Variants in ACSS3 observed in about 807,000 individuals in gnomAD.
ACSS3 encodes acyl-CoA synthetase short chain family member 3.
Under a neutral mutation model 84.2 loss-of-function variants are expected in ACSS3, and 64 were observed. The ratio of observed to expected loss-of-function variants is 0.76; its 90% CI spans 0.62 to 0.94. ACSS3 has a LOEUF of 0.94. Ranked by LOEUF, ACSS3 falls within the 40% of genes least tolerant of loss-of-function variation. The pLI is 0.00. For synonymous variants in ACSS3, 317 were observed against 310.1 expected (o/e 1.02, Z -0.23); for missense variants, 815 against 867.6 (o/e 0.94, Z 0.76).
Position 81,224,577 on chromosome 12 carries a change from T to C in ACSS3, c.1514+4501T>C, listed in dbSNP as rs1166604239. ...ATATATATATACACACACACACATGTGTGTGTGTGTGTGTGTGTGTGTGTA... is the reference window on the plus strand; with the variant it reads ...ATATATATATACACACACACACATGCGTGTGTGTGTGTGTGTGTGTGTGTA... On this transcript the variant is annotated intron_variant, in intron 11 of 15. Transcript: ENST00000548058. 1.6e-3 allele frequency among the ~76,000 whole-genome samples: 152 copies of C among 94,062 alleles called. 1 individual carries two copies. The highest frequency in any genetic ancestry group is 3.5e-3 in the South Asian group (11 of 3,120). The allele number at this position is 94,062 out of a possible 152,430, so 61.7% of individuals were successfully genotyped here. A position where few individuals can be genotyped will look rare whatever the true frequency, so the allele number is the denominator to read the frequency against.
intron 7 of ACSS3, among the ~76,000 whole-genome samples, chr12:81,152,994 A>C (rs1565693876): frequency 6.6e-6 from 1 of 152,210 alleles, no homozygotes; most frequent in Non-Finnish European, 1.5e-5. Flanking sequence ...CAATGATGTA[A>C]TCTTACTTTA....
chr12:81,216,129 A>AT (rs549066760), intron 9 of ACSS3, among the ~76,000 whole-genome samples: 1 of 151,196 alleles, frequency 6.6e-6, no homozygotes, highest in Non-Finnish European at 1.5e-5. Context: ...TATATTATAT[A>AT]TTTTTTTAAT....
intron 13 of ACSS3, among the ~76,000 whole-genome samples, chr12:81,244,376 T>C (rs1264229642): frequency 5.3e-5 from 8 of 152,104 alleles, no homozygotes. Context: ...GCTTGATGTT[T>C]TCTGCAATTC....
rs116271401 is a variant in ACSS3, at chr12:81,139,184, G to A, written c.699G>A (p.Glu233=). ...SFGIEPGRRV[E]YVPLVEEALK... ...GCATTGAACCTGGAAGGAGGGTAGA[G>A]TACGTACCACTTGTAGAAGAAGCGC... The change falls in exon 4 of 16, where the codon GAG becomes GAA. Residue 233 remains glutamate, a synonymous_variant. Transcript: ENST00000548058. 8.2e-4 allele frequency: 1,317 copies of A among 1,613,832 alleles called. 8 individuals are homozygous for A. In the African/African-American group the frequency reaches 0.016, roughly 19 times the overall value.
chr12:81,162,879 C>A (rs1887222685), intron 7 of ACSS3, among the ~76,000 whole-genome samples: 1 of 152,118 alleles, frequency 6.6e-6, no homozygotes, highest in South Asian at 2.1e-4. Flanking sequence ...TGTGACATCA[C>A]CTGGACAGGG....
At chr12:81,087,440 GAGA>G (rs1254025417) in intron 1 of ACSS3, among the ~76,000 whole-genome samples, 2 of 151,760 alleles carry the variant, frequency 1.3e-5, no homozygotes, top group Non-Finnish European at 2.9e-5. Context: ...GAAAGAGGAA[GAGA>G]AGAAGAAGAA....
At chr12:81,168,243 A>G (rs1451425622) in intron 7 of ACSS3, among the ~76,000 whole-genome samples, 1 of 152,196 alleles carries the variant, frequency 6.6e-6, no homozygotes, top group Non-Finnish European at 1.5e-5. Context: ...CTACATGACC[A>G]TCTGCAGTCT....
At chr12:81,090,448 C>G (rs1476690479) in intron 1 of ACSS3, among the ~76,000 whole-genome samples, 20 of 151,968 alleles carry the variant, frequency 1.3e-4, no homozygotes, top group Non-Finnish European at 4.4e-5. Flanking sequence ...GTGATCTTCG[C>G]AGCAGAATGC....
At position 81,078,217 on chromosome 12, in the gene ACSS3, GC is replaced by G; in HGVS notation, c.100del (p.Leu34SerfsTer4). On this transcript the variant is annotated frameshift_variant, in exon 1 of 16. Transcript: ENST00000548058. LOFTEE classifies it high-confidence loss of function. Reference sequence around the variant, plus strand: ...CTCTCCGGCCCGGGGAGCCGGTGCGGCCCTCAGGGCTTTAGTGGTCCCGGGC... The same window carrying G: ...CTCTCCGGCCCGGGGAGCCGGTGCGGCCTCAGGGCTTTAGTGGTCCCGGGC... ...GSSPARGAGA[A>X]LRALVVPGPR... The G allele has an allele frequency of 6.3e-7, 1 of 1,586,136 alleles. No homozygotes were observed. The highest frequency in any genetic ancestry group is 8.6e-7 in the Non-Finnish European group (1 of 1,169,234).
intron 7 of ACSS3, among the ~76,000 whole-genome samples, chr12:81,156,090 A>T (rs1374457753): frequency 1.3e-5 from 2 of 152,142 alleles, no homozygotes; most frequent in East Asian, 1.9e-4. Flanking sequence ...ACTAAAAATT[A>T]AAAAGAGTTA....
At chr12:81,205,942 T>A (rs2032328096) in intron 9 of ACSS3, among the ~76,000 whole-genome samples, 1 of 152,100 alleles carries the variant, frequency 6.6e-6, no homozygotes, top group Non-Finnish European at 1.5e-5. Flanking sequence ...GCAAAATACA[T>A]TCCTAGGCAT....
At chr12:81,132,660 A>T (rs530667337) in intron 2 of ACSS3, among the ~76,000 whole-genome samples, 3 of 151,722 alleles carry the variant, frequency 2.0e-5, no homozygotes, top group Non-Finnish European at 4.4e-5. Context: ...TTATTTTTTA[A>T]TCTCATTTCT....
intron 1 of ACSS3, among the ~76,000 whole-genome samples, chr12:81,085,738 A>G (rs1476821584): frequency 6.6e-6 from 1 of 152,216 alleles, no homozygotes; most frequent in Non-Finnish European, 1.5e-5. Context: ...TTTTCACCAT[A>G]ATTGATATTT....
intron 7 of ACSS3, among the ~76,000 whole-genome samples, chr12:81,166,164 G>A (rs542259131): frequency 6.6e-6 from 1 of 152,258 alleles, no homozygotes; most frequent in South Asian, 2.1e-4. Flanking sequence ...TTGGATTGTT[G>A]TGTAGTCCAA....
chr12:81,092,600 T>C (rs1248420227), intron 1 of ACSS3, among the ~76,000 whole-genome samples: 1 of 152,102 alleles, frequency 6.6e-6, no homozygotes, highest in African/African-American at 2.4e-5. Context: ...TTTATCCCTT[T>C]GTGCAGCCTC....
chr12:81,099,073 T>C (rs1262343322), intron 1 of ACSS3, among the ~76,000 whole-genome samples: 1 of 152,200 alleles, frequency 6.6e-6, no homozygotes, highest in Non-Finnish European at 1.5e-5. Context: ...TAGTTAATAT[T>C]TGGGATTCTA....
chr12:81,230,053 T>C (rs1393802855), intron 11 of ACSS3, among the ~76,000 whole-genome samples: 1 of 151,896 alleles, frequency 6.6e-6, no homozygotes, highest in Non-Finnish European at 1.5e-5. Context: ...ATGTGTGAGA[T>C]GTCATCTTAT....
At chr12:81,188,390 G>T (rs1333153516) in intron 8 of ACSS3, among the ~76,000 whole-genome samples, 4 of 152,028 alleles carry the variant, frequency 2.6e-5, no homozygotes, top group African/African-American at 7.2e-5. Context: ...ATACAGAAAA[G>T]AACATAAATC....
At chr12:81,217,077 C>A (rs1593209796) in intron 10 of ACSS3, 81 bp downstream of exon 10, 16 of 1,073,720 alleles carry the variant, frequency 1.5e-5, no homozygotes, top group Non-Finnish European at 2.1e-5. Context: ...TTGCATGAAA[C>A]AAACTAGGGG....
Sources: allele counts gnomAD v4.1 joint callset (sites outside exome capture counted in the v4.1 genomes callset), GRCh38; gene constraint gnomAD v4.1.1; transcripts MANE v1.5; gene names NCBI Gene and HGNC (gene_info 2026-07-23, HGNC 2026-07-21).